The following NDUFA10 variants were observed in gnomAD, a reference collection of about 807,000 sequenced individuals.
NDUFA10 encodes NADH:ubiquinone oxidoreductase subunit A10, also known as NADH dehydrogenase [ubiquinone] 1 alpha subcomplex subunit 10, mitochondrial.
A neutral mutation model predicts 47.8 loss-of-function variants in NDUFA10; 40 were observed. That is an observed-to-expected ratio of 0.84 (90% CI 0.65 to 1.09). The LOEUF is 1.09. NDUFA10 is among the 50% of genes least tolerant of loss of function. NDUFA10 has a pLI of 0.00. For synonymous variants in NDUFA10, 183 were observed against 172.2 expected (o/e 1.06, Z -0.49); for missense variants, 413 against 451.1 (o/e 0.92, Z 0.76).
intron 9 of NDUFA10, chr2:239,983,374 C>G: frequency 7.4e-7 from 1 of 1,349,352 alleles, no homozygotes; most frequent in Non-Finnish European, 1.0e-6. Flanking sequence ...CTGCTGATGT[C>G]TCTGATGGAC....
intron 9 of NDUFA10, among the ~76,000 whole-genome samples, chr2:239,974,635 T>G (rs1695441717): frequency 6.6e-6 from 1 of 152,256 alleles, no homozygotes; most frequent in African/African-American, 2.4e-5. Flanking sequence ...AGTAGGCTCT[T>G]ACTCTGAGTT....
intron 9 of NDUFA10, chr2:239,983,540 T>C: frequency 6.2e-7 from 1 of 1,602,364 alleles, no homozygotes; most frequent in Non-Finnish European, 8.5e-7. Context: ...ATAAAGGCTG[T>C]GGTGTGCATG....
intron 8 of NDUFA10, among the ~76,000 whole-genome samples, chr2:240,004,087 C>A (rs1696841975): frequency 6.6e-6 from 1 of 152,070 alleles, no homozygotes; most frequent in African/African-American, 2.4e-5. Context: ...CAGAAGGAAC[C>A]AGAAAAAGAG....
chr2:239,923,250 C>G (rs758061583), intron 4 of NDUFA10, among the ~76,000 whole-genome samples: 25 of 152,230 alleles, frequency 1.6e-4, no homozygotes, highest in Non-Finnish European at 3.2e-4. Context: ...AGCAATACAA[C>G]TGCTAGACAC....
chr2:239,958,884 A>G lies in NDUFA10; in HGVS notation c.*2234T>C. On this transcript the variant is annotated 3_prime_UTR_variant, in exon 10 of 10. Transcript: ENST00000252711. ...TTATTTCCTGATCTCCAAAGCACTG[A>G]GAAGTCCAACATGGAATCCTGGAAA... is the stretch of plus-strand genomic sequence containing the variant. 1.1e-6 allele frequency: 1 copy of G among 938,928 alleles called. No homozygotes were observed. Among genetic ancestry groups the G allele is most frequent in the African/African-American group, 1.8e-5 (1 of 56,338 alleles). The allele number at this position is 938,928 out of a possible 1,614,324, so 58.2% of individuals were successfully genotyped here.
chr2:239,973,638 C>T (rs1695392896), intron 9 of NDUFA10: 1 of 469,882 alleles, frequency 2.1e-6, no homozygotes, highest in South Asian at 1.6e-5. Flanking sequence ...CAGCATCTGG[C>T]TTCCTTCCAT....
At chr2:239,950,679 T>TG (rs1694536537) in intron 4 of NDUFA10, among the ~76,000 whole-genome samples, 2 of 152,192 alleles carry the variant, frequency 1.3e-5, no homozygotes, top group Admixed American at 1.3e-4. Context: ...GATAGGAGCT[T>TG]GGGGCGGTGT....
At chr2:239,922,926 A>G (rs1410916359) in intron 4 of NDUFA10, among the ~76,000 whole-genome samples, 1 of 152,252 alleles carries the variant, frequency 6.6e-6, no homozygotes. Flanking sequence ...AGCAACTGGC[A>G]TTGCCAGGGC....
At chr2:239,916,066 A>C (rs1302159890) in intron 4 of NDUFA10, among the ~76,000 whole-genome samples, 5 of 134,128 alleles carry the variant, frequency 3.7e-5, no homozygotes, top group Admixed American at 3.6e-4. Context: ...ACACACATAC[A>C]TACTCAGACA....
Position 240,021,328 on chromosome 2 carries a change from C to T in NDUFA10, c.329G>A (p.Gly110Asp). Residue 110 changes from glycine (G) to aspartate (D), a missense_variant, in exon 3 of 10, where the codon GGC becomes GAC. Transcript: ENST00000252711. Reference sequence around the variant, plus strand: ...GTAAAATTTCTCCAAACTACAGTTGCCATTATAGTCGGTGGCGAGGGGCTT... The same window carrying T: ...GTAAAATTTCTCCAAACTACAGTTGTCATTATAGTCGGTGGCGAGGGGCTT... ...DGKPLATDYNGNCSLEKFYDD... is the reference protein window; with the variant it reads ...DGKPLATDYNDNCSLEKFYDD... 2 of 1,614,180 alleles carry T rather than the reference C, an allele frequency of 1.2e-6. No individual in the cohort carries two copies. Among genetic ancestry groups the T allele is most frequent in the Non-Finnish European group, 1.7e-6 (2 of 1,180,022 alleles).
intron 4 of NDUFA10, among the ~76,000 whole-genome samples, chr2:239,948,733 C>T (rs754579479): frequency 3.9e-5 from 6 of 152,220 alleles, no homozygotes; most frequent in Non-Finnish European, 7.3e-5. Context: ...CTTCATCTTC[C>T]ACAAATCCAG....
chr2:239,900,647 G>A (rs1204052031), intron 4 of NDUFA10, among the ~76,000 whole-genome samples: 5 of 151,996 alleles, frequency 3.3e-5, no homozygotes, highest in African/African-American at 1.2e-4. Flanking sequence ...AAAGCTGAGT[G>A]ACACTGATGG....
chr2:239,960,489 C>A lies in NDUFA10; in HGVS notation c.*629G>T. 1.0e-6 allele frequency: 1 copy of A among 990,588 alleles called. No homozygotes were observed. Among genetic ancestry groups the A allele is most frequent in the Admixed American group, 5.7e-5 (1 of 17,678 alleles). 61.4% of individuals were successfully genotyped at this position (990,588 alleles called of 1,614,324 possible). A position where few individuals can be genotyped will look rare whatever the true frequency, so the allele number is the denominator to read the frequency against. ...CGGCCACGTGAATCTTTCTCAACGT[C>A]TCTCTTAAAACATATTGTTCTGTAA... is the stretch of plus-strand genomic sequence containing the variant. On this transcript the variant is annotated 3_prime_UTR_variant, in exon 10 of 10. Transcript: ENST00000252711.
chr2:240,000,782 C>A (rs763477733), intron 8 of NDUFA10, among the ~76,000 whole-genome samples: 1 of 152,204 alleles, frequency 6.6e-6, no homozygotes, highest in Non-Finnish European at 1.5e-5. Context: ...CGTGTTACAA[C>A]TGCCAACAGT....
rs1252093639 is a variant in NDUFA10 at position 239,958,952 on chromosome 2, T to A, written c.*2166A>T. 2.0e-6 allele frequency: 2 copies of A among 985,340 alleles called. No individual in the cohort carries two copies. Among genetic ancestry groups the A allele is most frequent in the African/African-American group, 1.7e-5 (1 of 57,244 alleles). 61.0% of individuals were successfully genotyped at this position (985,340 alleles called of 1,614,324 possible). A position where few individuals can be genotyped will look rare whatever the true frequency, so the allele number is the denominator to read the frequency against. On this transcript the variant is annotated 3_prime_UTR_variant, in exon 10 of 10. Coordinates refer to ENST00000252711, the MANE Select transcript of NDUFA10 (RefSeq NM_004544.4). ...TCCTGGTTTGTTGGTGCTGTTGTTT[T>A]AGTTGTAAGAGCTTTCGTGAGACGA...
chr2:239,933,382 G>A (rs572591822), intron 4 of NDUFA10, among the ~76,000 whole-genome samples: 1 of 152,258 alleles, frequency 6.6e-6, no homozygotes, highest in African/African-American at 2.4e-5. Context: ...CAATAATGAT[G>A]TGTCTATACC....
Position 239,959,653 on chromosome 2 carries a change from A to G in NDUFA10, c.*1465T>C. 1.0e-6 allele frequency: 1 copy of G among 971,368 alleles called. No individual in the cohort carries two copies. Among genetic ancestry groups the G allele is most frequent in the Non-Finnish European group, 1.2e-6 (1 of 819,418 alleles). The allele number at this position is 971,368 out of a possible 1,614,324, so 60.2% of individuals were successfully genotyped here. A position where few individuals can be genotyped will look rare whatever the true frequency, so the allele number is the denominator to read the frequency against. On this transcript the variant is annotated 3_prime_UTR_variant, in exon 10 of 10. Coordinates refer to ENST00000252711, the MANE Select transcript of NDUFA10 (RefSeq NM_004544.4). ...GGCAGGGAGGAAGGGAAGGGAGGAA[A>G]ACAAGGACAGACGGAAGGAAGGAAG...
chr2:240,008,694 C>T (rs1697033578), intron 6 of NDUFA10, among the ~76,000 whole-genome samples: 2 of 152,214 alleles, frequency 1.3e-5, no homozygotes, highest in Admixed American at 6.5e-5. Flanking sequence ...GTGACAGTTT[C>T]GTTCAACACA....
chr2:239,991,445 C>A (rs1375972372), intron 8 of NDUFA10, among the ~76,000 whole-genome samples: 1 of 152,084 alleles, frequency 6.6e-6, no homozygotes, highest in East Asian at 1.9e-4. Context: ...CAGATAAGAT[C>A]GTTTTCTTAG....
Sources: allele counts gnomAD v4.1 joint callset (sites outside exome capture counted in the v4.1 genomes callset), GRCh38; gene constraint gnomAD v4.1.1; transcripts MANE v1.5; gene names NCBI Gene and HGNC (gene_info 2026-07-23, HGNC 2026-07-21).